The following OSBPL9 variants were observed in gnomAD, a reference collection of about 807,000 sequenced individuals.
OSBPL9 encodes oxysterol binding protein like 9.
A neutral mutation model predicts 106.6 loss-of-function variants in OSBPL9; 40 were observed. The observed-to-expected ratio is 0.38, with a 90% confidence interval of 0.29 to 0.49. OSBPL9 has a LOEUF of 0.49. Among genes scored for constraint, OSBPL9 ranks in the 20% least tolerant of loss-of-function variants. The probability of loss-of-function intolerance (pLI) is 0.97; values close to 1 mark genes in which losing one functional copy is unlikely to be tolerated. For missense variants in OSBPL9, 609 were observed against 887.2 expected (o/e 0.69, Z 3.98); for synonymous variants, 269 against 295.4 (o/e 0.91, Z 0.92).
intron 1 of OSBPL9, among the ~76,000 whole-genome samples, chr1:51,636,149 CTTGT>C (rs1388352693): frequency 8.7e-6 from 1 of 114,786 alleles, no homozygotes; most frequent in Admixed American, 9.2e-5. Context: ...CTCTCTCTCT[CTTGT>C]TTTTTTTTTT....
chr1:51,600,297 A>G (rs1645320531), intron 2 of OSBPL9, among the ~76,000 whole-genome samples: 1 of 152,216 alleles, frequency 6.6e-6, no homozygotes, highest in Non-Finnish European at 1.5e-5. Flanking sequence ...TGTCTAATGA[A>G]AGAGATGTCA....
chr1:51,670,989 C>A (rs549733080), intron 3 of OSBPL9, among the ~76,000 whole-genome samples: 36 of 152,288 alleles, frequency 2.4e-4, no homozygotes, highest in African/African-American at 8.7e-4. Flanking sequence ...GTACCTCTAC[C>A]TTCTGATTTA....
intron 8 of OSBPL9, among the ~76,000 whole-genome samples, chr1:51,751,934 A>G (rs1669337280): frequency 1.3e-5 from 2 of 152,170 alleles, no homozygotes; most frequent in African/African-American, 4.8e-5. Context: ...CACGTAAATG[A>G]AATTTGGCCT....
At chr1:51,590,614 C>T (rs192225085) in intron 1 of OSBPL9, among the ~76,000 whole-genome samples, 72 of 132,110 alleles carry the variant, frequency 5.5e-4, no homozygotes, top group African/African-American at 2.0e-3. Flanking sequence ...AGTGAGACTC[C>T]GTCTCAAAAA....
intron 4 of OSBPL9, among the ~76,000 whole-genome samples, chr1:51,714,502 G>A (rs557391695): frequency 1.3e-5 from 2 of 152,262 alleles, no homozygotes; most frequent in East Asian, 1.9e-4. Context: ...CTTTTGTATG[G>A]TAGTGAAAGA....
At chr1:51,754,909 C>T (rs1411971554) in intron 8 of OSBPL9, among the ~76,000 whole-genome samples, 1 of 152,122 alleles carries the variant, frequency 6.6e-6, no homozygotes, top group Admixed American at 6.5e-5. Context: ...TGGGTTCAAG[C>T]AATCCTCCTG....
At position 51,789,172 on chromosome 1, in the gene OSBPL9, A is replaced by G. The variant is rs1023730212; in HGVS notation, c.*1383A>G. 2 of 1,491,588 alleles carry G rather than the reference A, an allele frequency of 1.3e-6. No homozygotes were observed. Among genetic ancestry groups the G allele is most frequent in the Non-Finnish European group, 1.9e-6 (2 of 1,070,094 alleles). 92.4% of individuals were successfully genotyped at this position (1,491,588 alleles called of 1,614,324 possible). A position where few individuals can be genotyped will look rare whatever the true frequency, so the allele number is the denominator to read the frequency against. ...CTAAGGCAGTAGTATAACTAACTCC[A>G]TAAAATACAAACAAACACATTTTAA... On this transcript the variant is annotated 3_prime_UTR_variant, in exon 24 of 24. Coordinates refer to ENST00000428468, the MANE Select transcript of OSBPL9 (RefSeq NM_024586.6).
At chr1:51,786,484 G>C (rs960233266) in intron 21 of OSBPL9, 42 bp from the exon 22 acceptor site, 2 of 1,334,494 alleles carry the variant, frequency 1.5e-6, no homozygotes, top group Non-Finnish European at 2.1e-6. Flanking sequence ...TTAGGTTAGG[G>C]GTTTATGGGT....
chr1:51,626,160 C>T (rs1488541969), intron 1 of OSBPL9, among the ~76,000 whole-genome samples: 1 of 152,206 alleles, frequency 6.6e-6, no homozygotes, highest in Non-Finnish European at 1.5e-5. Context: ...TCCTCCATCA[C>T]TCATAGGAGA....
intron 12 of OSBPL9, among the ~76,000 whole-genome samples, chr1:51,771,220 A>T (rs907017557): frequency 1.3e-5 from 2 of 152,238 alleles, no homozygotes; most frequent in Non-Finnish European, 2.9e-5. Flanking sequence ...GCACGTGTAG[A>T]GTTGTAATAA....
At chr1:51,641,548 A>T (rs1242750248) in intron 1 of OSBPL9, among the ~76,000 whole-genome samples, 1 of 151,808 alleles carries the variant, frequency 6.6e-6, no homozygotes, top group Admixed American at 6.6e-5. Flanking sequence ...GACTTATGTG[A>T]CTCTTTCAGA....
At chr1:51,624,161 C>T (rs1372570667) in intron 1 of OSBPL9, among the ~76,000 whole-genome samples, 1 of 152,084 alleles carries the variant, frequency 6.6e-6, no homozygotes, top group Non-Finnish European at 1.5e-5. Context: ...AGATCATCCA[C>T]CTGCCTCAGC....
chr1:51,599,507 C>T (rs925797579), intron 2 of OSBPL9, among the ~76,000 whole-genome samples: 2 of 151,832 alleles, frequency 1.3e-5, no homozygotes, highest in African/African-American at 4.8e-5. Context: ...TTATTATATA[C>T]ATATTTATAT....
chr1:51,756,270 GTTAC>G, intron 8 of OSBPL9, 46 bp from the exon 9 acceptor site: 1 of 1,481,614 alleles, frequency 6.7e-7, no homozygotes, highest in Non-Finnish European at 9.4e-7. Flanking sequence ...TACACAAGGA[GTTAC>G]TTACATGTAA....
intron 17 of OSBPL9, among the ~76,000 whole-genome samples, chr1:51,783,349 A>AT (rs758238195): frequency 0.021 from 2,434 of 117,782 alleles, 59 homozygotes; most frequent in African/African-American, 0.057. Flanking sequence ...TAATTTTCTT[A>AT]TTTTTTTTTT....
the OSBPL9 span, chr1:51,563,847 A>T: frequency 6.6e-6 from 1 of 152,320 alleles, no homozygotes; most frequent in Non-Finnish European, 1.5e-5. Context: ...TTGGAGGCCA[A>T]CGTGGGAGGA....
intron 3 of OSBPL9, among the ~76,000 whole-genome samples, chr1:51,673,828 C>A (rs565835419): frequency 9.1e-4 from 138 of 151,968 alleles, no homozygotes; most frequent in Non-Finnish European, 1.7e-3. Context: ...ATGATCACAC[C>A]TGGTGCATAG....
chr1:51,536,167 C>A, the OSBPL9 span, among the ~76,000 whole-genome samples: 2 of 152,284 alleles, frequency 1.3e-5, no homozygotes, highest in South Asian at 4.2e-4. Flanking sequence ...TGCTTATATA[C>A]AGTCCATACT....
chr1:51,687,978 C>T (rs907972114), intron 3 of OSBPL9, among the ~76,000 whole-genome samples: 1 of 152,040 alleles, frequency 6.6e-6, no homozygotes, highest in Admixed American at 6.6e-5. Flanking sequence ...AAGGCAGTAA[C>T]GGTGGTTGCT....
Sources: allele counts gnomAD v4.1 joint callset (sites outside exome capture counted in the v4.1 genomes callset), GRCh38; gene constraint gnomAD v4.1.1; transcripts MANE v1.5; gene names NCBI Gene and HGNC (gene_info 2026-07-23, HGNC 2026-07-21).